FNBP1L: variants seen among roughly 807,000 people sequenced by gnomAD.
FNBP1L encodes the protein formin-binding protein 1-like.
A neutral mutation model predicts 91.2 loss-of-function variants in FNBP1L; 36 were observed. The ratio of observed to expected loss-of-function variants is 0.39; its 90% CI spans 0.30 to 0.52. The LOEUF (loss-of-function observed/expected upper bound fraction) is 0.52, where lower values mean the gene tolerates loss of function less well. Among genes scored for constraint, FNBP1L ranks in the 20% least tolerant of loss-of-function variants. The pLI, the probability that FNBP1L is intolerant of heterozygous loss-of-function variation, is 0.66. For missense variants in FNBP1L, 571 were observed against 732.1 expected (o/e 0.78, Z 2.54); for synonymous variants, 242 against 237.0 (o/e 1.02, Z -0.19).
At chr1:93,527,137 A>T (rs1260634388) in intron 5 of FNBP1L, among the ~76,000 whole-genome samples, 2 of 152,202 alleles carry the variant, frequency 1.3e-5, no homozygotes, top group East Asian at 3.8e-4. Flanking sequence ...GAGCGCATTT[A>T]TTTGATGTAA....
At chr1:93,540,736 A>G (rs1468180893) in intron 10 of FNBP1L, among the ~76,000 whole-genome samples, 1 of 152,146 alleles carries the variant, frequency 6.6e-6, no homozygotes, top group Non-Finnish European at 1.5e-5. Flanking sequence ...AGTGAAATCC[A>G]CTTACATAAA....
chr1:93,462,185 T>C (rs1303054627), intron 1 of FNBP1L, among the ~76,000 whole-genome samples: 2 of 152,156 alleles, frequency 1.3e-5, no homozygotes, highest in Non-Finnish European at 2.9e-5. Flanking sequence ...GAAACAAAGA[T>C]CTATATTTAA....
intron 1 of FNBP1L, among the ~76,000 whole-genome samples, chr1:93,457,857 T>C (rs1668721333): frequency 1.3e-5 from 2 of 152,086 alleles, no homozygotes; most frequent in East Asian, 1.9e-4. Context: ...AGTGGCACGA[T>C]CTTGGCTCAC....
At chr1:93,488,229 C>G (rs1306795062) in intron 1 of FNBP1L, 1 of 152,190 alleles carries the variant, frequency 6.6e-6, no homozygotes, top group African/African-American at 2.4e-5. Flanking sequence ...TTGCAGTAGC[C>G]TCCTTAAAAG....
intron 8 of FNBP1L, 78 bp from the exon 9 acceptor site, chr1:93,534,627 G>T: frequency 2.3e-6 from 2 of 876,898 alleles, no homozygotes; most frequent in Non-Finnish European, 3.4e-6. Flanking sequence ...TTGTTTTTTT[G>T]TACTGAAAAA....
chr1:93,453,515 G>T (rs894342919), intron 1 of FNBP1L, among the ~76,000 whole-genome samples: 1 of 151,894 alleles, frequency 6.6e-6, no homozygotes, highest in African/African-American at 2.4e-5. Flanking sequence ...TTTTTCCTCT[G>T]TCAGCTAGTT....
At chr1:93,529,613 T>A in intron 5 of FNBP1L, 39 bp from the exon 6 acceptor site, 1 of 1,227,444 alleles carries the variant, frequency 8.1e-7, no homozygotes, top group Non-Finnish European at 1.1e-6. Context: ...GTTAGCCTGA[T>A]TTTATTTTCT....
intron 1 of FNBP1L, among the ~76,000 whole-genome samples, chr1:93,475,584 C>A (rs1669466714): frequency 6.6e-6 from 1 of 152,066 alleles, no homozygotes; most frequent in Non-Finnish European, 1.5e-5. Flanking sequence ...CTCCACCACT[C>A]AGTACACATC....
chr1:93,529,220 AAC>A (rs1354949466), intron 5 of FNBP1L, among the ~76,000 whole-genome samples: 7 of 152,148 alleles, frequency 4.6e-5, no homozygotes, highest in African/African-American at 1.7e-4. Context: ...AAAATTATAA[AAC>A]ACACATTTTT....
intron 1 of FNBP1L, among the ~76,000 whole-genome samples, chr1:93,485,218 G>C (rs905462916): frequency 6.7e-6 from 1 of 149,970 alleles, no homozygotes; most frequent in African/African-American, 2.4e-5. Context: ...TGTGAAATAA[G>C]ATAGCTGTGT....
intron 16 of FNBP1L, chr1:93,552,187 TG>T (rs1279638455): frequency 1.5e-6 from 2 of 1,335,334 alleles, no homozygotes; most frequent in African/African-American, 3.0e-5. Flanking sequence ...CAGTGCTGGT[TG>T]TGTGACCACA....
chr1:93,452,687 A>G (rs566776930), intron 1 of FNBP1L, among the ~76,000 whole-genome samples: 5 of 152,204 alleles, frequency 3.3e-5, no homozygotes, highest in Non-Finnish European at 7.3e-5. Context: ...TAAGCTCTCA[A>G]GAAGCTGGGA....
At chr1:93,498,277 T>G (rs901926050) in intron 1 of FNBP1L, among the ~76,000 whole-genome samples, 1 of 152,280 alleles carries the variant, frequency 6.6e-6, no homozygotes, top group African/African-American at 2.4e-5. Context: ...TTTTTTTTGT[T>G]TGTTTGTTTT....
At chr1:93,481,084 C>T (rs568414326) in intron 1 of FNBP1L, among the ~76,000 whole-genome samples, 7 of 152,156 alleles carry the variant, frequency 4.6e-5, no homozygotes, top group Non-Finnish European at 1.0e-4. Context: ...GACAAATGCT[C>T]CAGCGGAAGA....
At chr1:93,497,447 C>T (rs537073098) in intron 1 of FNBP1L, among the ~76,000 whole-genome samples, 1 of 152,068 alleles carries the variant, frequency 6.6e-6, no homozygotes, top group South Asian at 2.1e-4. Flanking sequence ...TTGATGGTGT[C>T]TTTATATCTT....
intron 1 of FNBP1L, among the ~76,000 whole-genome samples, chr1:93,474,167 C>T (rs537333023): frequency 1.2e-4 from 18 of 152,088 alleles, no homozygotes; most frequent in African/African-American, 3.9e-4. Context: ...TTGCTTGAAC[C>T]GGAAGGCGGA....
chr1:93,527,796 A>T (rs1035027782), intron 5 of FNBP1L, among the ~76,000 whole-genome samples: 2 of 152,128 alleles, frequency 1.3e-5, no homozygotes, highest in Admixed American at 6.6e-5. Context: ...CAGAACTAAT[A>T]TGCAGGAAAG....
At chr1:93,539,985 A>T (rs1467789524) in intron 10 of FNBP1L, among the ~76,000 whole-genome samples, 1 of 152,144 alleles carries the variant, frequency 6.6e-6, no homozygotes, top group African/African-American at 2.4e-5. Flanking sequence ...AGGGAAAAGT[A>T]AAAATTTTAC....
intron 2 of FNBP1L, 66 bp from the exon 3 acceptor site, chr1:93,522,014 CTT>C (rs1255661998): frequency 5.1e-6 from 5 of 981,704 alleles, no homozygotes; most frequent in East Asian, 5.9e-5. Context: ...AAATTGAAAA[CTT>C]AGACTATTTC....
Sources: allele counts gnomAD v4.1 joint callset (sites outside exome capture counted in the v4.1 genomes callset), GRCh38; gene constraint gnomAD v4.1.1; transcripts MANE v1.5; gene names NCBI Gene and HGNC (gene_info 2026-07-23, HGNC 2026-07-21).